The following MAN1B1 variants were observed in gnomAD, a reference collection of about 807,000 sequenced individuals.
MAN1B1 encodes the protein mannosidase alpha class 1B member 1.
In MAN1B1, 66 loss-of-function variants were observed where a neutral mutation model predicts 75.5. The observed-to-expected ratio is 0.87, with a 90% CI of 0.72 to 1.07. The LOEUF is 1.07. MAN1B1 is among the 50% of genes least tolerant of loss of function. The pLI is 0.00. For missense variants in MAN1B1, 973 were observed against 912.5 expected (o/e 1.07, Z -0.85); for synonymous variants, 453 against 382.8 (o/e 1.18, Z -2.14).
chr9:137,099,730 C>T lies in MAN1B1; in HGVS notation c.765C>T (p.Asp255=), dbSNP rs777531010. Residue 255 remains aspartate, a synonymous_variant, in exon 6 of 13, where the codon GAC becomes GAT. Transcript: ENST00000371589. ...HLNYRQKGVI[D]VFLHAWKGYR... is the part of the protein sequence containing the mutation. Reference sequence around the variant, plus strand: ...ACTATCGCCAGAAGGGCGTGATTGACGTCTTCCTGCATGCATGGAAAGGAT... The same window carrying T: ...ACTATCGCCAGAAGGGCGTGATTGATGTCTTCCTGCATGCATGGAAAGGAT... 8 of 1,614,118 alleles carry T rather than the reference C, an allele frequency of 5.0e-6. No individual in the cohort carries two copies. The highest frequency in any genetic ancestry group is 1.3e-5 in the African/African-American group (1 of 74,954).
chr9:137,106,383 C>A, intron 9 of MAN1B1, 68 bp downstream of exon 9: 4 of 1,383,310 alleles, frequency 2.9e-6, no homozygotes, highest in Non-Finnish European at 3.9e-6. Context: ...ACTCCTGCTG[C>A]CCCCAGCTCC....
At position 137,095,772 on chromosome 9, in the gene MAN1B1, C is replaced by G. The variant is rs116322052; in HGVS notation, c.466-465C>G. Among the ~76,000 whole-genome samples, 1,362 of 152,212 alleles carry G rather than the reference C, an allele frequency of 8.9e-3. 11 individuals carry two copies. The highest frequency in any genetic ancestry group is 0.023 in the African/African-American group (965 of 41,532). On this transcript the variant is annotated intron_variant, in intron 3 of 12. Transcript: ENST00000371589. ...GAAACAGGGAACAGGGTGGTGGGGG[C>G]TGGCTAGAAGGCCCGCATCACACAG... is the stretch of plus-strand genomic sequence containing the variant.
chr9:137,107,914 C>A, intron 12 of MAN1B1: 1 of 653,856 alleles, frequency 1.5e-6, no homozygotes, highest in Non-Finnish European at 2.8e-6. Context: ...TTTCTCAGGG[C>A]CTGTCTAGGG....
intron 11 of MAN1B1, 37 bp downstream of exon 11, chr9:137,107,484 G>A (rs1325393671): frequency 6.2e-7 from 1 of 1,613,112 alleles, no homozygotes; most frequent in Non-Finnish European, 8.5e-7. Context: ...ATCAGGAGGA[G>A]GGTGCTGGCA....
At chr9:137,100,964 C>A in intron 6 of MAN1B1, 41 bp from the exon 7 acceptor site, 1 of 1,611,788 alleles carries the variant, frequency 6.2e-7, no homozygotes, top group Non-Finnish European at 8.5e-7. Flanking sequence ...ACGTTGGAGC[C>A]ATCCATTTGT....
intron 9 of MAN1B1, 167 bp downstream of exon 9, chr9:137,106,482 G>A (rs1164186931): frequency 4.2e-6 from 4 of 946,328 alleles, no homozygotes; most frequent in East Asian, 5.2e-5. Context: ...TATGTGGAGG[G>A]CGTATTCATT....
At chr9:137,106,841 G>A (rs375287568) in intron 10 of MAN1B1, 32 bp downstream of exon 10, 45 of 1,609,418 alleles carry the variant, frequency 2.8e-5, no homozygotes, top group Admixed American at 2.0e-4. Context: ...TCCGGCCGCC[G>A]CCCCTTTTAC....
intron 3 of MAN1B1, among the ~76,000 whole-genome samples, chr9:137,090,966 G>T (rs75520911): frequency 6.6e-6 from 1 of 152,154 alleles, no homozygotes; most frequent in Non-Finnish European, 1.5e-5. Flanking sequence ...CATTCCTGTC[G>T]CTGAGCAGCT....
At chr9:137,099,588 G>T in intron 5 of MAN1B1, 108 bp from the exon 6 acceptor site, 1 of 1,255,612 alleles carries the variant, frequency 8.0e-7, no homozygotes, top group Non-Finnish European at 1.2e-6. Flanking sequence ...CAAACCCACC[G>T]TCATCTTTGC....
intron 1 of MAN1B1, 61 bp from the exon 2 acceptor site, chr9:137,088,014 C>A: frequency 8.0e-7 from 1 of 1,247,508 alleles, no homozygotes; most frequent in South Asian, 1.2e-5. Flanking sequence ...CAGTTTGTGA[C>A]AGTTGAGACG....
chr9:137,088,171 G>C lies in MAN1B1; in HGVS notation c.316G>C (p.Asp106His). ...CGLLFYINLA[D>H]HWKALAFRLE... is the part of the protein sequence containing the mutation. ...ACTCCTCTTCTACATCAACTTGGCT[G>C]ACCATTGGAAAGGTATCAGAAACAC... The change falls in exon 2 of 13, where the codon GAC becomes CAC. Residue 106 changes from aspartate to histidine, a missense_variant. By Grantham distance (81) the Asp-to-His change is moderately conservative. Transcript: ENST00000371589. The C allele has an allele frequency of 6.2e-7, 1 of 1,614,156 alleles. No homozygotes were observed. The highest frequency in any genetic ancestry group is 1.1e-5 in the South Asian group (1 of 91,078).
At chr9:137,102,137 G>A (rs200324609) in intron 8 of MAN1B1, 41 of 291,540 alleles carry the variant, frequency 1.4e-4, no homozygotes, top group African/African-American at 5.8e-4. Context: ...GCTGTTGCAG[G>A]CGTGCAGGTC....
chr9:137,097,159 T>C (rs1283620630), intron 4 of MAN1B1, among the ~76,000 whole-genome samples: 1 of 152,192 alleles, frequency 6.6e-6, no homozygotes. Flanking sequence ...AGCGTTGGCA[T>C]GAATGCAAGG....
intron 9 of MAN1B1, 164 bp from the exon 10 acceptor site, chr9:137,106,525 G>A: frequency 6.7e-6 from 8 of 1,187,322 alleles, no homozygotes; most frequent in Non-Finnish European, 9.7e-6. Context: ...GGGGGTGAGG[G>A]GGGCATCTTC....
chr9:137,096,495 C>A, intron 4 of MAN1B1, 104 bp downstream of exon 4: 1 of 1,430,092 alleles, frequency 7.0e-7, no homozygotes. Flanking sequence ...TCCTTTGAAA[C>A]TGACAGTGTA....
chr9:137,101,424 G>T, intron 7 of MAN1B1, 60 bp from the exon 8 acceptor site: 1 of 1,500,074 alleles, frequency 6.7e-7, no homozygotes, highest in Non-Finnish European at 9.3e-7. Flanking sequence ...TGCATGAAAG[G>T]GTGTAGACGA....
chr9:137,099,181 C>T (rs999203976), intron 5 of MAN1B1, among the ~76,000 whole-genome samples: 12 of 152,242 alleles, frequency 7.9e-5, no homozygotes, highest in African/African-American at 1.2e-4. Context: ...GTGCACAGTG[C>T]GATTCCCGTG....
chr9:137,089,127 C>A, intron 3 of MAN1B1, 122 bp downstream of exon 3: 1 of 1,247,594 alleles, frequency 8.0e-7, no homozygotes. Flanking sequence ...ACCTCTCTCT[C>A]GTTTTGGACT....
chr9:137,093,824 ACT>A (rs1207797401), intron 3 of MAN1B1, among the ~76,000 whole-genome samples: 25 of 151,772 alleles, frequency 1.6e-4, no homozygotes, highest in Admixed American at 2.0e-4. Flanking sequence ...ACAGAGCAAG[ACT>A]CTGTCTCAAA....
Sources: gnomAD v4.1 joint callset for allele counts (sites outside exome capture counted in the v4.1 genomes callset) on GRCh38, gnomAD v4.1.1 for gene constraint, MANE v1.5 for transcripts, NCBI Gene and HGNC (gene_info 2026-07-23, HGNC 2026-07-21) for gene names.